Variants in KDM6A observed in about 807,000 individuals in gnomAD.
KDM6A encodes lysine demethylase 6A, also known as lysine-specific demethylase 6A.
Under a neutral mutation model 117.6 loss-of-function variants are expected in KDM6A, and 11 were observed. The observed-to-expected ratio is 0.09, with a 90% CI of 0.06 to 0.15. The LOEUF is 0.15. KDM6A is among the 10% of genes least tolerant of loss of function. The pLI is 1.00. For missense variants in KDM6A, 799 were observed against 1,077.3 expected (o/e 0.74, Z 3.62); for synonymous variants, 384 against 396.1 (o/e 0.97, Z 0.36).
intron 2 of KDM6A, among the ~76,000 whole-genome samples, chrX:44,900,278 A>G (rs899416942): frequency 5.4e-5 from 6 of 112,105 alleles, no homozygotes; most frequent in Non-Finnish European, 1.1e-4. Flanking sequence ...TTTTAGGAGT[A>G]GGAAGGAGAG....
chrX:44,991,429 A>G (rs1050011294), intron 4 of KDM6A, among the ~76,000 whole-genome samples: 4 of 109,172 alleles, frequency 3.7e-5, no homozygotes, highest in African/African-American at 1.3e-4. Context: ...CTAGTTCAGG[A>G]CCATAGGTTA....
In KDM6A at chrX:45,010,981, T is replaced by C. The variant is rs1377257771; in HGVS notation, c.405T>C (p.Gly135=). Reference sequence around the variant, plus strand: ...TACAGAATGCTGCCTTTTTATATGGTCTTGGTTTGGTCTACTTCCATTATA... The same window carrying C: ...TACAGAATGCTGCCTTTTTATATGGCCTTGGTTTGGTCTACTTCCATTATA... ...DYWKNAAFLY[G]LGLVYFHYNA... The change falls in exon 5 of 30, where the codon GGT becomes GGC. Residue 135 remains glycine, a synonymous_variant. Transcript: ENST00000611820. 1.7e-6 allele frequency: 2 copies of C among 1,204,319 alleles called. No individual in the cohort carries two copies. Among genetic ancestry groups the C allele is most frequent in the Non-Finnish European group, 2.2e-6 (2 of 889,196 alleles).
chrX:45,056,936 G>A (rs1273001234), intron 10 of KDM6A, among the ~76,000 whole-genome samples: 3 of 111,321 alleles, frequency 2.7e-5, no homozygotes, highest in African/African-American at 6.5e-5. Context: ...TCCCTTTCAC[G>A]CTGGTGTCTG....
chrX:45,072,676 C>G (rs1245542725), intron 18 of KDM6A, among the ~76,000 whole-genome samples: 1 of 108,871 alleles, frequency 9.2e-6, no homozygotes, highest in Non-Finnish European at 1.9e-5. Flanking sequence ...AGACTCAGGA[C>G]AGTTGCTAGA....
chrX:45,047,219 TG>T (rs2043576601), intron 8 of KDM6A, among the ~76,000 whole-genome samples: 3 of 101,473 alleles, frequency 3.0e-5, no homozygotes, highest in African/African-American at 8.5e-5. Context: ...ATTTTAAGTC[TG>T]GGGTTTGATT....
intron 8 of KDM6A, among the ~76,000 whole-genome samples, chrX:45,046,711 CATG>C (rs1206265764): frequency 2.7e-5 from 3 of 111,351 alleles, no homozygotes; most frequent in Non-Finnish European, 5.7e-5. Context: ...TATGGTAAAA[CATG>C]ATAAAACGGG....
chrX:44,950,292 T>C (rs901196417), intron 2 of KDM6A, among the ~76,000 whole-genome samples: 2 of 111,637 alleles, frequency 1.8e-5, no homozygotes, highest in Admixed American at 1.9e-4. Flanking sequence ...GGGATTACTT[T>C]ACAGGCGTGA....
chrX:44,912,352 G>C (rs945477873), intron 2 of KDM6A, among the ~76,000 whole-genome samples: 1 of 111,356 alleles, frequency 9.0e-6, no homozygotes, highest in Non-Finnish European at 1.9e-5. Context: ...GCCTCCCAAA[G>C]TGCTGGAACT....
At chrX:44,989,113 C>T (rs1941909394) in intron 4 of KDM6A, among the ~76,000 whole-genome samples, 1 of 105,621 alleles carries the variant, frequency 9.5e-6, no homozygotes, top group African/African-American at 3.5e-5. Context: ...ATGGGGGCGC[C>T]CCTCCCCAGC....
chrX:44,912,765 T>A (rs916320978), intron 2 of KDM6A, among the ~76,000 whole-genome samples: 4 of 112,162 alleles, frequency 3.6e-5, no homozygotes, highest in African/African-American at 1.3e-4. Flanking sequence ...TCAGAGCAGT[T>A]GTCTTTCCTA....
At chrX:45,016,532 A>C (rs745595495) in intron 5 of KDM6A, among the ~76,000 whole-genome samples, 1 of 109,009 alleles carries the variant, frequency 9.2e-6, no homozygotes, top group South Asian at 3.8e-4. Flanking sequence ...ACAGAGTCTC[A>C]CTCTGTCGCC....
At chrX:44,916,936 A>G (rs1168676095) in intron 2 of KDM6A, among the ~76,000 whole-genome samples, 2 of 108,351 alleles carry the variant, frequency 1.8e-5, no homozygotes, top group African/African-American at 6.8e-5. Flanking sequence ...CTCATGAGCT[A>G]TGGTGCCCAG....
At position 44,987,679 on chromosome X, in the gene KDM6A, C is replaced by A. The variant is rs752876213; in HGVS notation, c.384+12964C>A. Among the ~76,000 whole-genome samples the A allele has an allele frequency of 3.6e-5, 4 of 111,324 alleles. No individual in the cohort carries two copies. In the South Asian group the frequency reaches 1.5e-3, roughly 42 times the overall value. The stretch of plus-strand genomic sequence containing the variant: ...CCTTCACTTATGAAGCTTAGTTTGG[C>A]TGGATATGAAATTCTGGGTTGAAAA... On this transcript the variant is annotated intron_variant, in intron 4 of 29. Coordinates refer to ENST00000611820, the MANE Select transcript of KDM6A (RefSeq NM_001291415.2).
In KDM6A at chrX:45,082,705, CT is replaced by C. The variant is rs1270098464; in HGVS notation, c.3366-4del. On this transcript the variant is annotated splice_polypyrimidine_tract_variant and intron_variant, in intron 22 of 29. Coordinates refer to ENST00000611820, the MANE Select transcript of KDM6A (RefSeq NM_001291415.2). ...AAGGCATGTTTCTAATACTGTGTCTCTTTTTTAAGTTCTGGGAGGAGGAGGA... is the reference window on the plus strand; with the variant it reads ...AAGGCATGTTTCTAATACTGTGTCTCTTTTTAAGTTCTGGGAGGAGGAGGA... 2.5e-6 allele frequency: 3 copies of C among 1,198,110 alleles called. No individual in the cohort carries two copies. Among genetic ancestry groups the C allele is most frequent in the African/African-American group, 1.8e-5 (1 of 56,664 alleles).
chrX:44,976,168 T>G (rs993455099), intron 4 of KDM6A, among the ~76,000 whole-genome samples: 9 of 111,701 alleles, frequency 8.1e-5, no homozygotes, highest in Non-Finnish European at 1.3e-4. Context: ...CACAGTCTTA[T>G]TTATCTCCCT....
chrX:45,014,090 G>A (rs183200284), intron 5 of KDM6A, among the ~76,000 whole-genome samples: 1 of 111,529 alleles, frequency 9.0e-6, no homozygotes, highest in Admixed American at 9.5e-5. Flanking sequence ...TGTATCTCTG[G>A]TACATTTATA....
intron 4 of KDM6A, among the ~76,000 whole-genome samples, chrX:45,005,969 ACC>A (rs1569516057): frequency 5.1e-4 from 7 of 13,601 alleles, no homozygotes; most frequent in East Asian, 5.5e-3. Context: ...CCACCCCCCC[ACC>A]CCCCCCACCC....
In KDM6A at chrX:45,060,209, A is replaced by T; in HGVS notation, c.1329+53A>T. 2.5e-6 allele frequency: 3 copies of T among 1,203,371 alleles called. No individual in the cohort carries two copies. In the Admixed American group the frequency reaches 6.6e-5, roughly 27 times the overall value. On this transcript the variant is annotated intron_variant, in intron 13 of 29. Transcript: ENST00000611820. ...TGCCCAGCTTTAAGGGTTCTTTTCA[A>T]TTCTCTAGTGGTCAAGCTTAATTTA...
chrX:45,076,481 C>A (rs1231156802), intron 18 of KDM6A, among the ~76,000 whole-genome samples: 1 of 110,740 alleles, frequency 9.0e-6, no homozygotes, highest in Non-Finnish European at 1.9e-5. Flanking sequence ...GTTGTGATAT[C>A]TTTTATTTTC....
Sources: gnomAD v4.1 joint callset for allele counts (sites outside exome capture counted in the v4.1 genomes callset) on GRCh38, gnomAD v4.1.1 for gene constraint, MANE v1.5 for transcripts, NCBI Gene and HGNC (gene_info 2026-07-23, HGNC 2026-07-21) for gene names.